The following RELN variants were observed in gnomAD, a reference collection of about 807,000 sequenced individuals.
RELN encodes the protein reelin.
RELN carries 108 observed loss-of-function variants against 427.6 expected under a neutral mutation model. The observed-to-expected ratio is 0.25, with a 90% CI of 0.22 to 0.30. The LOEUF (loss-of-function observed/expected upper bound fraction) is 0.30, where lower values mean the gene tolerates loss of function less well. Ranked by LOEUF, RELN falls within the 10% of genes least tolerant of loss-of-function variation. RELN has a pLI of 1.00. For synonymous variants in RELN, 1,524 were observed against 1,513.4 expected (o/e 1.01, Z -0.16); for missense variants, 3,715 against 4,302.8 (o/e 0.86, Z 3.82).
At chr7:103,772,518 G>A (rs536420932) in intron 4 of RELN, among the ~76,000 whole-genome samples, 14 of 152,280 alleles carry the variant, frequency 9.2e-5, no homozygotes, top group South Asian at 2.1e-4. Context: ...CCTATTTAAT[G>A]TGCCTTGAGA....
intron 20 of RELN, among the ~76,000 whole-genome samples, chr7:103,613,372 C>A (rs1452836833): frequency 1.3e-5 from 2 of 152,104 alleles, no homozygotes; most frequent in African/African-American, 2.4e-5. Flanking sequence ...TGCAATGATA[C>A]TCTGATGTTA....
intron 3 of RELN, among the ~76,000 whole-genome samples, chr7:103,785,183 A>C (rs2116246159): frequency 6.6e-6 from 1 of 152,258 alleles, no homozygotes; most frequent in South Asian, 2.1e-4. Flanking sequence ...AATGCCTTCT[A>C]AAACATTAAA....
intron 6 of RELN, among the ~76,000 whole-genome samples, chr7:103,749,039 T>C (rs1200340213): frequency 6.6e-6 from 1 of 152,076 alleles, no homozygotes; most frequent in Non-Finnish European, 1.5e-5. Flanking sequence ...ACATAATGAG[T>C]TGACCTAATA....
In RELN at chr7:103,968,591, T is replaced by G. The variant is rs1460110608; in HGVS notation, c.226+20540A>C. Among the ~76,000 whole-genome samples, 1 of 152,186 alleles carries G rather than the reference T, an allele frequency of 6.6e-6. No individual in the cohort carries two copies. Among genetic ancestry groups the G allele is most frequent in the Non-Finnish European group, 1.5e-5 (1 of 68,038 alleles). On this transcript the variant is annotated intron_variant, in intron 1 of 64. Transcript: ENST00000428762. This position sits in a 1 kb window ranked among gnomAD's most constrained non-coding sequence, Gnocchi z 4.3. Reference sequence around the variant, plus strand: ...AGAGATCCAAGAAGACAAAGGATATTACTGCTTCCTTATTCAAATCTAATC... The same window carrying G: ...AGAGATCCAAGAAGACAAAGGATATGACTGCTTCCTTATTCAAATCTAATC...
At chr7:103,703,249 A>G (rs1834130674) in intron 8 of RELN, among the ~76,000 whole-genome samples, 1 of 152,178 alleles carries the variant, frequency 6.6e-6, no homozygotes, top group African/African-American at 2.4e-5. Flanking sequence ...CAAACATACC[A>G]GACCAGTGAT....
intron 34 of RELN, among the ~76,000 whole-genome samples, chr7:103,562,641 C>A (rs1830667985): frequency 6.6e-6 from 1 of 152,212 alleles, no homozygotes; most frequent in African/African-American, 2.4e-5. Flanking sequence ...GTGTGTTTGT[C>A]TGTTATGTGG....
intron 62 of RELN, 97 bp from the exon 63 acceptor site, chr7:103,483,068 TA>T: frequency 1.1e-6 from 1 of 923,404 alleles, no homozygotes; most frequent in Middle Eastern, 2.2e-4. Flanking sequence ...TAGGCTAATC[TA>T]AATCAACAAA....
chr7:103,516,684 A>G lies in RELN; in HGVS notation c.7863-1243T>C, dbSNP rs116670643. On this transcript the variant is annotated intron_variant, in intron 49 of 64. Transcript: ENST00000428762. The stretch of plus-strand genomic sequence containing the variant: ...CGTGTTTGCAGAACTCCAAGGCAAG[A>G]CAACCAGTCCAAGTTCATCCCATGA... Among the ~76,000 whole-genome samples, 216 of 152,336 alleles carry G rather than the reference A, an allele frequency of 1.4e-3. 1 individual carries two copies. Among genetic ancestry groups the G allele is most frequent in the African/African-American group, 5.0e-3 (207 of 41,564 alleles).
intron 4 of RELN, among the ~76,000 whole-genome samples, chr7:103,774,880 T>A (rs1791699429): frequency 6.6e-6 from 1 of 152,178 alleles, no homozygotes; most frequent in South Asian, 2.1e-4. Context: ...ACAGCATTTT[T>A]AATAATATCC....
At chr7:103,955,230 A>G (rs971112954) in intron 1 of RELN, among the ~76,000 whole-genome samples, 6 of 152,166 alleles carry the variant, frequency 3.9e-5, no homozygotes, top group Non-Finnish European at 8.8e-5. Context: ...GCTTTTCTGG[A>G]CCCCAATTTA....
chr7:103,508,142 C>G (rs186076478), intron 51 of RELN, among the ~76,000 whole-genome samples: 93 of 152,218 alleles, frequency 6.1e-4, no homozygotes, highest in African/African-American at 2.2e-3. Flanking sequence ...TAAAACTATT[C>G]CGAACAATAG....
At chr7:103,945,753 C>T (rs1439594052) in intron 1 of RELN, among the ~76,000 whole-genome samples, 2 of 152,192 alleles carry the variant, frequency 1.3e-5, no homozygotes, top group African/African-American at 4.8e-5. Flanking sequence ...CGGCAATGGT[C>T]CCCTAAGATG....
chr7:103,476,748 AT>A, intron 64 of RELN: 1 of 400,122 alleles, frequency 2.5e-6, no homozygotes, highest in Non-Finnish European at 5.1e-6. Flanking sequence ...AGCATTGGGA[AT>A]TAGGGGAATT....
At chr7:103,928,741 C>G (rs889440913) in intron 1 of RELN, among the ~76,000 whole-genome samples, 1 of 152,098 alleles carries the variant, frequency 6.6e-6, no homozygotes, top group African/African-American at 2.4e-5. Flanking sequence ...TTCATGTATG[C>G]CAGAGAATTT....
chr7:103,892,052 C>T (rs2116593840), intron 2 of RELN, among the ~76,000 whole-genome samples: 1 of 152,308 alleles, frequency 6.6e-6, no homozygotes, highest in Admixed American at 6.5e-5. Flanking sequence ...ACATCTCCTT[C>T]CCCTACTCCA....
intron 1 of RELN, among the ~76,000 whole-genome samples, chr7:103,967,108 G>A (rs1796675399): frequency 1.3e-5 from 2 of 152,120 alleles, no homozygotes; most frequent in East Asian, 3.9e-4. Flanking sequence ...GCCCTTTACA[G>A]GCACTGACTA....
At chr7:103,676,692 T>C (rs1471560061) in intron 11 of RELN, among the ~76,000 whole-genome samples, 1 of 152,310 alleles carries the variant, frequency 6.6e-6, no homozygotes, top group East Asian at 1.9e-4. Flanking sequence ...ATATACACCA[T>C]GGAATACTAT....
intron 1 of RELN, among the ~76,000 whole-genome samples, chr7:103,950,143 G>A (rs1796304748): frequency 6.6e-6 from 1 of 152,180 alleles, no homozygotes; most frequent in South Asian, 2.1e-4. Flanking sequence ...GGAAGGGCTA[G>A]TAGCTTTCTG....
At chr7:103,702,929 C>A (rs899552925) in intron 8 of RELN, among the ~76,000 whole-genome samples, 1 of 152,160 alleles carries the variant, frequency 6.6e-6, no homozygotes, top group African/African-American at 2.4e-5. Flanking sequence ...ACTTCCATCC[C>A]CAGTAGGCTA....
Sources: allele counts gnomAD v4.1 joint callset (sites outside exome capture counted in the v4.1 genomes callset), GRCh38; gene constraint gnomAD v4.1.1; non-coding constraint Gnocchi (gnomAD v3.1); transcripts MANE v1.5; gene names NCBI Gene and HGNC (gene_info 2026-07-23, HGNC 2026-07-21).